The following FBXL2 variants were observed in gnomAD, a reference collection of about 807,000 sequenced individuals.
FBXL2 encodes F-box/LRR-repeat protein 2.
In FBXL2, 38 loss-of-function variants were observed where a neutral mutation model predicts 69.2. The ratio of observed to expected loss-of-function variants is 0.55; its 90% CI spans 0.42 to 0.72. The LOEUF (loss-of-function observed/expected upper bound fraction) is 0.72. FBXL2 is among the 30% of genes least tolerant of loss of function. The probability of loss-of-function intolerance (pLI) is 0.00; values close to 1 mark genes in which losing one functional copy is unlikely to be tolerated. For synonymous variants in FBXL2, 192 were observed against 201.3 expected, an observed-to-expected ratio of 0.95 and a Z score of 0.39; for missense variants, 354 against 520.3, an observed-to-expected ratio of 0.68 and a Z score of 3.11.
chr3:33,291,179 C>T (rs570544628), intron 1 of FBXL2, among the ~76,000 whole-genome samples: 1 of 152,174 alleles, frequency 6.6e-6, no homozygotes, highest in Non-Finnish European at 1.5e-5. Context: ...ATCCTCCTGA[C>T]TTACCTCCCA....
At chr3:33,407,798 A>G (rs1008110600), downstream of FBXL2, among the ~76,000 whole-genome samples, 23 of 152,366 alleles carry the variant, frequency 1.5e-4, no homozygotes, top group Admixed American at 9.8e-4. Context: ...AGACTGCAAC[A>G]GTGAATACAG....
intron 2 of FBXL2, among the ~76,000 whole-genome samples, chr3:33,299,027 T>TTTTATTTATGTATTTATTTA (rs1553634497): frequency 6.8e-6 from 1 of 146,092 alleles, no homozygotes; most frequent in Admixed American, 6.9e-5. Context: ...ATTTTTTTAA[T>TTTTATTTATGTATTTATTTA]TTTATTTATT....
chr3:33,338,084 C>CT (rs906585963), intron 2 of FBXL2, among the ~76,000 whole-genome samples: 7 of 152,010 alleles, frequency 4.6e-5, no homozygotes, highest in South Asian at 4.2e-4. Flanking sequence ...ATGCTAATGC[C>CT]TTTTTTTTCA....
intron 2 of FBXL2, among the ~76,000 whole-genome samples, chr3:33,355,829 C>T (rs761221020): frequency 2.6e-5 from 4 of 152,170 alleles, no homozygotes; most frequent in Admixed American, 6.5e-5. Context: ...TCGCTATCTC[C>T]GTTTCTATTG....
the FBXL2 span, chr3:33,409,564 T>C: frequency 6.2e-7 from 1 of 1,614,220 alleles, no homozygotes; most frequent in Non-Finnish European, 8.5e-7. Context: ...TTCACCTCCG[T>C]GCTTCCGTGG....
At chr3:33,393,327 A>G (rs749605402) in intron 12 of FBXL2, 90 of 1,606,690 alleles carry the variant, frequency 5.6e-5, no homozygotes, top group Non-Finnish European at 7.3e-5. Context: ...CACTAACAAG[A>G]ATGTGAATAC....
chr3:33,367,583 G>GT (rs1172908187), intron 5 of FBXL2, among the ~76,000 whole-genome samples: 1 of 137,850 alleles, frequency 7.3e-6, no homozygotes. Flanking sequence ...GGTAATTGTT[G>GT]TCTTTTTTTT....
At chr3:33,373,786 TG>T in intron 8 of FBXL2, 60 bp from the exon 9 acceptor site, 1 of 1,613,748 alleles carries the variant, frequency 6.2e-7, no homozygotes, top group Admixed American at 1.7e-5. Flanking sequence ...GCATTTTTCT[TG>T]GTGTCCCACT....
chr3:33,317,022 C>T (rs1258919811), intron 2 of FBXL2, among the ~76,000 whole-genome samples: 1 of 152,078 alleles, frequency 6.6e-6, no homozygotes, highest in Non-Finnish European at 1.5e-5. Flanking sequence ...CCACCCCAGA[C>T]TCCCAAGTAG....
the FBXL2 span, among the ~76,000 whole-genome samples, chr3:33,415,584 C>T: frequency 6.6e-6 from 1 of 152,082 alleles, no homozygotes; most frequent in Non-Finnish European, 1.5e-5. Flanking sequence ...ATTCTCTTTA[C>T]TTCTGGGTAT....
rs770155934 is a variant in FBXL2, at chr3:33,377,253, T to C, written c.789-20T>C. On this transcript the variant is annotated intron_variant, in intron 10 of 14. Coordinates refer to ENST00000484457, the MANE Select transcript of FBXL2 (RefSeq NM_012157.5). Reference sequence around the variant, plus strand: ...AACTAGTTGGTACCGTTTTCTCCCCTGTACCCACTTTCTCCTCAGAATTTT... The same window carrying C: ...AACTAGTTGGTACCGTTTTCTCCCCCGTACCCACTTTCTCCTCAGAATTTT... The C allele has an allele frequency of 6.2e-7, 1 of 1,612,574 alleles. No homozygotes were observed. The highest frequency in any genetic ancestry group is 1.1e-5 in the South Asian group (1 of 91,050).
intron 1 of FBXL2, chr3:33,278,206 G>T (rs533291196): frequency 2.5e-4 from 38 of 152,228 alleles, no homozygotes; most frequent in Middle Eastern, 3.4e-3. Flanking sequence ...ATAACACCTG[G>T]CCCCCTTTAA....
At position 33,373,337 on chromosome 3, in the gene FBXL2, G is replaced by T. The variant is rs751632187; in HGVS notation, c.437G>T (p.Ser146Ile). Residue 146 changes from serine to isoleucine, a missense_variant, in exon 7 of 15, where the codon AGC becomes ATC. Ser to Ile is a moderately radical substitution (Grantham distance 142). Transcript: ENST00000484457. Reference protein sequence around the residue: ...DLTSCVSITNSSLKGISEGCR... With the variant: ...DLTSCVSITNISLKGISEGCR... ...ACCTCCTGTGTGTCTATTACAAACA[G>T]CTCCTTGAAGGGGATCAGGTAAGAG... The T allele has an allele frequency of 6.2e-7, 1 of 1,612,924 alleles. No homozygotes were observed.
chr3:33,418,123 A>G, the FBXL2 span, among the ~76,000 whole-genome samples: 1 of 152,246 alleles, frequency 6.6e-6, no homozygotes, highest in Admixed American at 6.5e-5. Flanking sequence ...AATTTTCAAA[A>G]TGAAGAATAT....
At chr3:33,311,398 C>A (rs1214850197) in intron 2 of FBXL2, among the ~76,000 whole-genome samples, 1 of 152,084 alleles carries the variant, frequency 6.6e-6, no homozygotes, top group Non-Finnish European at 1.5e-5. Flanking sequence ...TTGGGATCCA[C>A]CCTCCTATAA....
At chr3:33,362,768 C>T (rs1366638256) in intron 4 of FBXL2, among the ~76,000 whole-genome samples, 2 of 151,426 alleles carry the variant, frequency 1.3e-5, no homozygotes, top group Admixed American at 1.3e-4. Flanking sequence ...ATATTAGGTG[C>T]TCTATTTGTA....
intron 2 of FBXL2, among the ~76,000 whole-genome samples, chr3:33,319,091 A>G (rs140927854): frequency 0.013 from 1,933 of 152,336 alleles, 29 homozygotes; most frequent in Middle Eastern, 0.027. Context: ...AAGACGTCAC[A>G]GTCCTGGGAT....
intron 10 of FBXL2, 59 bp from the exon 11 acceptor site, chr3:33,377,212 ATG>A: frequency 4.8e-6 from 7 of 1,466,680 alleles, no homozygotes; most frequent in Non-Finnish European, 6.7e-6. Flanking sequence ...ATCATAAAAT[ATG>A]TGTTTCCATT....
chr3:33,332,825 T>C lies in FBXL2; in HGVS notation c.66-26142T>C, dbSNP rs113961786. Among the ~76,000 whole-genome samples the C allele has an allele frequency of 5.3e-5, 8 of 152,326 alleles. 1 individual carries two copies. The highest frequency in any genetic ancestry group is 1.7e-4 in the African/African-American group (7 of 41,568). On this transcript the variant is annotated intron_variant, in intron 2 of 14. Coordinates refer to ENST00000484457, the MANE Select transcript of FBXL2 (RefSeq NM_012157.5). ...GAAAATGCAGTATTATAATCTAGGA[T>C]CACCATCATATATGTGGTTGATCGT...
Sources: allele counts gnomAD v4.1 joint callset (sites outside exome capture counted in the v4.1 genomes callset), GRCh38; gene constraint gnomAD v4.1.1; transcripts MANE v1.5; gene names NCBI Gene and HGNC (gene_info 2026-07-23, HGNC 2026-07-21).